Variants in TANC1 observed in about 807,000 individuals in gnomAD.
TANC1 encodes protein TANC1.
TANC1 carries 77 observed loss-of-function variants against 149.7 expected under a neutral mutation model. The observed-to-expected ratio is 0.51, with a 90% CI of 0.43 to 0.62. The LOEUF is 0.62. Ranked by LOEUF, TANC1 falls within the 20% of genes least tolerant of loss-of-function variation. The probability of loss-of-function intolerance (pLI) is 0.00; values close to 1 mark genes in which losing one functional copy is unlikely to be tolerated. For synonymous variants in TANC1, 854 were observed against 925.0 expected (o/e 0.92, Z 1.39); for missense variants, 1,985 against 2,321.8 (o/e 0.85, Z 2.98).
intron 2 of TANC1, among the ~76,000 whole-genome samples, chr2:159,017,751 A>T (rs897776487): frequency 6.6e-6 from 1 of 152,038 alleles, no homozygotes; most frequent in African/African-American, 2.4e-5. Flanking sequence ...ACAAATACCT[A>T]ATGCACGCGG....
At chr2:159,157,602 C>G (rs2053574377) in intron 7 of TANC1, among the ~76,000 whole-genome samples, 1 of 152,178 alleles carries the variant, frequency 6.6e-6, no homozygotes, top group African/African-American at 2.4e-5. Flanking sequence ...GCAGTGAAAC[C>G]TAATTTGGAA....
chr2:159,043,250 G>C (rs2040795365), intron 2 of TANC1, among the ~76,000 whole-genome samples: 1 of 152,142 alleles, frequency 6.6e-6, no homozygotes, highest in South Asian at 2.1e-4. Flanking sequence ...ATAGGGAAGA[G>C]TGCTGACGGG....
chr2:159,111,949 T>G (rs1292787023), intron 4 of TANC1, among the ~76,000 whole-genome samples: 1 of 152,176 alleles, frequency 6.6e-6, no homozygotes, highest in Non-Finnish European at 1.5e-5. Flanking sequence ...AGTGTTAACA[T>G]TTGATACAGA....
intron 13 of TANC1, among the ~76,000 whole-genome samples, chr2:159,177,670 G>A (rs1317381696): frequency 6.6e-6 from 1 of 152,178 alleles, no homozygotes; most frequent in Non-Finnish European, 1.5e-5. Context: ...GGGAATAATT[G>A]TATTCTGCCC....
intron 20 of TANC1, among the ~76,000 whole-genome samples, chr2:159,218,214 T>C (rs13413129): frequency 0.087 from 13,203 of 152,226 alleles, 1,213 homozygotes; most frequent in East Asian, 0.23. Flanking sequence ...ACACATACAC[T>C]ATGGATGCAA....
intron 19 of TANC1, among the ~76,000 whole-genome samples, chr2:159,205,731 C>T (rs141431015): frequency 6.6e-6 from 1 of 152,350 alleles, no homozygotes; most frequent in Non-Finnish European, 1.5e-5. Flanking sequence ...TCTCAGGATG[C>T]ATCCCTGTCA....
In TANC1 at chr2:159,081,732, C is replaced by A. The variant is rs569443075; in HGVS notation, c.61+15761C>A. ...AAGTGAAAGGCTTTGGCTTGGAAAA[C>A]CCTAGAGAGATTGGAGGGGCGGGGC... On this transcript the variant is annotated intron_variant, in intron 3 of 26. Coordinates refer to ENST00000263635, the MANE Select transcript of TANC1 (RefSeq NM_033394.3). 1.2e-3 allele frequency among the ~76,000 whole-genome samples: 180 copies of A among 152,202 alleles called. 1 individual carries two copies. Among genetic ancestry groups the A allele is most frequent in the Non-Finnish European group, 1.2e-3 (80 of 67,994 alleles).
chr2:159,170,761 G>A lies in TANC1; in HGVS notation c.1307G>A (p.Arg436His), dbSNP rs371199083. ...GTGGCCCTGAGCTGCCACGGAAGCC[G>A]CATGAGGCAGATTGCTTCCAACAGC... ...KLVALSCHGS[R>H]MRQIASNSPG... Residue 436 changes from arginine (R) to histidine (H), a missense_variant, in exon 10 of 27, where the codon CGC becomes CAC. Physicochemically the swap from Arg to His is conservative, Grantham distance 29 (BLOSUM62 0). Transcript: ENST00000263635. 14 of 1,614,078 alleles carry A rather than the reference G, an allele frequency of 8.7e-6. No individual in the cohort carries two copies. Among genetic ancestry groups the A allele is most frequent in the South Asian group, 3.3e-5 (3 of 91,080 alleles).
chr2:159,205,794 G>A (rs1185519434), intron 19 of TANC1, among the ~76,000 whole-genome samples: 2 of 152,240 alleles, frequency 1.3e-5, no homozygotes, highest in Non-Finnish European at 2.9e-5. Flanking sequence ...GGTGATGCAT[G>A]CACATCTCAG....
intron 5 of TANC1, among the ~76,000 whole-genome samples, chr2:159,143,181 T>G (rs1012159502): frequency 3.3e-5 from 5 of 152,090 alleles, no homozygotes; most frequent in Non-Finnish European, 5.9e-5. Flanking sequence ...TTTGGGAAAT[T>G]TTACACCTGT....
At chr2:159,074,348 G>A (rs1009243887) in intron 3 of TANC1, among the ~76,000 whole-genome samples, 1 of 152,130 alleles carries the variant, frequency 6.6e-6, no homozygotes, top group African/African-American at 2.4e-5. Context: ...TGATCTTTAT[G>A]CCCTGGGATG....
chr2:159,115,167 T>G (rs1294917659), intron 4 of TANC1, among the ~76,000 whole-genome samples: 1 of 130,664 alleles, frequency 7.7e-6, no homozygotes, highest in Non-Finnish European at 1.6e-5. Context: ...CGGAAGCTGG[T>G]AAGGGTGTGT....
rs571857009 is a variant in TANC1 at position 159,157,947 on chromosome 2, CAG to C, written c.683-5331_683-5330del. Among the ~76,000 whole-genome samples, 219 of 152,292 alleles carry C rather than the reference CAG, an allele frequency of 1.4e-3. 1 individual carries two copies. Among genetic ancestry groups the C allele is most frequent in the African/African-American group, 5.0e-3 (209 of 41,564 alleles). ...CCAGGGAAGGACAAATCACTCTCTT[CAG>C]AGAGTCCTCTCAAAATGCGTATTTT... On this transcript the variant is annotated intron_variant, in intron 7 of 26. Coordinates refer to ENST00000263635, the MANE Select transcript of TANC1 (RefSeq NM_033394.3).
intron 24 of TANC1, chr2:159,227,617 G>A: frequency 1.8e-6 from 1 of 570,130 alleles, no homozygotes; most frequent in Non-Finnish European, 3.1e-6. Context: ...CACAGGATGC[G>A]GGTGCATGTG....
intron 16 of TANC1, among the ~76,000 whole-genome samples, chr2:159,191,047 A>G (rs996749918): frequency 6.6e-6 from 1 of 152,182 alleles, no homozygotes; most frequent in East Asian, 1.9e-4. Flanking sequence ...TCTCTCATCC[A>G]TTCCTCCACA....
At chr2:159,207,775 G>A (rs1261470290) in intron 19 of TANC1, among the ~76,000 whole-genome samples, 2 of 144,856 alleles carry the variant, frequency 1.4e-5, no homozygotes, top group Non-Finnish European at 3.0e-5. Context: ...CCTTAAGTAA[G>A]TGGTTTAATT....
At chr2:159,186,290 T>C (rs1436890343) in intron 15 of TANC1, among the ~76,000 whole-genome samples, 1 of 152,186 alleles carries the variant, frequency 6.6e-6, no homozygotes, top group African/African-American at 2.4e-5. Flanking sequence ...TTTCTGACTG[T>C]GTTTGCCCAG....
At chr2:159,019,239 CTG>C (rs1350227296) in intron 2 of TANC1, among the ~76,000 whole-genome samples, 3 of 152,174 alleles carry the variant, frequency 2.0e-5, no homozygotes, top group African/African-American at 4.8e-5. Flanking sequence ...GGGAGGGAAA[CTG>C]AAGCCCAGCA....
At chr2:159,219,186 G>A in intron 20 of TANC1, 52 bp from the exon 21 acceptor site, 1 of 1,611,256 alleles carries the variant, frequency 6.2e-7, no homozygotes, top group Non-Finnish European at 8.5e-7. Flanking sequence ...GGGTATAGCA[G>A]GTGTGGTGGA....
Sources: allele counts gnomAD v4.1 joint callset (sites outside exome capture counted in the v4.1 genomes callset), GRCh38; gene constraint gnomAD v4.1.1; transcripts MANE v1.5; gene names NCBI Gene and HGNC (gene_info 2026-07-23, HGNC 2026-07-21).